The following CFAP20DC variants were observed in gnomAD, a reference collection of about 807,000 sequenced individuals.
CFAP20DC encodes CFAP20 domain containing.
A neutral mutation model predicts 101.7 loss-of-function variants in CFAP20DC; 84 were observed. The observed-to-expected ratio is 0.83, with a 90% CI of 0.69 to 0.99. The LOEUF (loss-of-function observed/expected upper bound fraction) is 0.99. Among genes scored for constraint, CFAP20DC ranks in the 50% least tolerant of loss-of-function variants. The pLI is 0.00. For synonymous variants in CFAP20DC, 359 were observed against 351.2 expected (o/e 1.02, Z -0.25); for missense variants, 1,007 against 970.3 (o/e 1.04, Z -0.50).
chr3:58,794,080 G>A (rs971465801), intron 15 of CFAP20DC: 2 of 210,426 alleles, frequency 9.5e-6, no homozygotes, highest in African/African-American at 4.6e-5. Context: ...TCTACAAATC[G>A]CCATTTGGTC....
chr3:58,925,396 T>A (rs185575184), intron 5 of CFAP20DC, among the ~76,000 whole-genome samples: 1 of 152,332 alleles, frequency 6.6e-6, no homozygotes, highest in Admixed American at 6.5e-5. Context: ...CAATAATTAT[T>A]TACATGTTTG....
chr3:59,033,166 G>A (rs929494898), intron 4 of CFAP20DC, among the ~76,000 whole-genome samples: 5 of 152,090 alleles, frequency 3.3e-5, no homozygotes, highest in Admixed American at 3.3e-4. Flanking sequence ...TCAACAAAAA[G>A]GATGTCCACA....
At chr3:58,949,955 C>A (rs1385381419) in intron 4 of CFAP20DC, among the ~76,000 whole-genome samples, 1 of 152,218 alleles carries the variant, frequency 6.6e-6, no homozygotes, top group East Asian at 1.9e-4. Flanking sequence ...AAAGGGCATT[C>A]AATTAGGAAA....
intron 7 of CFAP20DC, among the ~76,000 whole-genome samples, chr3:58,876,022 T>C (rs1296140056): frequency 6.6e-6 from 1 of 152,196 alleles, no homozygotes; most frequent in African/African-American, 2.4e-5. Flanking sequence ...CTATCTACTA[T>C]AGAATTTATT....
At chr3:58,976,817 G>A (rs2092299142) in intron 4 of CFAP20DC, among the ~76,000 whole-genome samples, 1 of 152,144 alleles carries the variant, frequency 6.6e-6, no homozygotes, top group Non-Finnish European at 1.5e-5. Context: ...GCTGTAGTGA[G>A]TAGGGTGTGT....
intron 4 of CFAP20DC, among the ~76,000 whole-genome samples, chr3:59,026,651 T>A (rs1357287066): frequency 3.9e-5 from 6 of 152,148 alleles, no homozygotes; most frequent in Non-Finnish European, 4.4e-5. Flanking sequence ...TATGAAAAGA[T>A]CAGGTCTGCA....
chr3:58,782,310 A>G (rs2071905445), intron 15 of CFAP20DC, among the ~76,000 whole-genome samples: 1 of 152,020 alleles, frequency 6.6e-6, no homozygotes, highest in Non-Finnish European at 1.5e-5. Context: ...TATATGACAC[A>G]CCCAGAGCTA....
intron 4 of CFAP20DC, among the ~76,000 whole-genome samples, chr3:58,959,366 T>A (rs2090934271): frequency 6.6e-6 from 1 of 152,258 alleles, no homozygotes; most frequent in Non-Finnish European, 1.5e-5. Flanking sequence ...AGTGTTGGGA[T>A]TACAGGCGTA....
At position 58,899,145 on chromosome 3, in the gene CFAP20DC, G is replaced by A. The variant is rs895678500; in HGVS notation, c.551-14436C>T. On this transcript the variant is annotated intron_variant, in intron 6 of 16. Coordinates refer to ENST00000482387, the MANE Select transcript of CFAP20DC (RefSeq NM_001394063.1). This position sits in a 1 kb window ranked among gnomAD's most constrained non-coding sequence, Gnocchi z 5.0. ...AGGAGGCTGGAGACCCCTGTTGGGA[G>A]GTCTCATCCAGTCAGGAGTAACAGG... Among the ~76,000 whole-genome samples, 5 of 152,188 alleles carry A rather than the reference G, an allele frequency of 3.3e-5. No individual in the cohort carries two copies. Among genetic ancestry groups the A allele is most frequent in the African/African-American group, 1.2e-4 (5 of 41,446 alleles).
chr3:58,735,570 C>A (rs2067733899), intron 3 of CFAP20DC, among the ~76,000 whole-genome samples: 1 of 152,148 alleles, frequency 6.6e-6, no homozygotes. Context: ...ATAGGTTAAG[C>A]CAGAGGGTCT....
chr3:59,016,130 G>A lies in CFAP20DC; in HGVS notation c.278+23427C>T, dbSNP rs182463539. Among the ~76,000 whole-genome samples, 6 of 152,186 alleles carry A rather than the reference G, an allele frequency of 3.9e-5. No individual in the cohort carries two copies. In the East Asian group the frequency reaches 9.7e-4, roughly 25 times the overall value. ...GCTAAGATATGGAATCAACTTAAGTGTCCATCAATGAATGAATGAATAAAG... is the reference window on the plus strand; with the variant it reads ...GCTAAGATATGGAATCAACTTAAGTATCCATCAATGAATGAATGAATAAAG... On this transcript the variant is annotated intron_variant, in intron 4 of 16. Transcript: ENST00000482387.
Position 58,870,321 on chromosome 3 carries a change from A to C in CFAP20DC, c.716-12T>G, listed in dbSNP as rs192814643. ...GTTAATGAACTGATCTGTTTTGTTA[A>C]AGGAAGGTAATAATAGTCCATTAAT... On this transcript the variant is annotated splice_polypyrimidine_tract_variant and intron_variant, in intron 7 of 16. Transcript: ENST00000482387. 6.2e-7 allele frequency: 1 copy of C among 1,612,518 alleles called. No individual in the cohort carries two copies. The highest frequency in any genetic ancestry group is 1.3e-5 in the African/African-American group (1 of 74,982).
downstream of CFAP20DC, among the ~76,000 whole-genome samples, chr3:58,739,300 T>C (rs902600548): frequency 6.6e-6 from 1 of 152,194 alleles, no homozygotes; most frequent in African/African-American, 2.4e-5. Flanking sequence ...ATTGATGACT[T>C]AAAAGTCACT....
chr3:58,941,066 C>T (rs1379315996), intron 4 of CFAP20DC, among the ~76,000 whole-genome samples: 2 of 152,088 alleles, frequency 1.3e-5, no homozygotes, highest in Non-Finnish European at 2.9e-5. Context: ...CGCAGTGGCT[C>T]ATGCCTGAAA....
chr3:58,927,639 T>C (rs1444210353), intron 5 of CFAP20DC, among the ~76,000 whole-genome samples: 1 of 152,214 alleles, frequency 6.6e-6, no homozygotes, highest in African/African-American at 2.4e-5. Context: ...CTAGCTGAAA[T>C]GCTTTTAGAA....
At chr3:58,997,367 T>C (rs1422914388) in intron 4 of CFAP20DC, among the ~76,000 whole-genome samples, 1 of 152,204 alleles carries the variant, frequency 6.6e-6, no homozygotes, top group African/African-American at 2.4e-5. Context: ...CTCTAGAACA[T>C]GCTCTTACCA....
At chr3:58,787,973 A>G (rs1342029114) in intron 15 of CFAP20DC, among the ~76,000 whole-genome samples, 1 of 142,558 alleles carries the variant, frequency 7.0e-6, no homozygotes, top group East Asian at 2.2e-4. Context: ...AACATCACAC[A>G]CTGGGGCCTG....
chr3:58,752,399 C>T (rs1460110623), intron 16 of CFAP20DC, among the ~76,000 whole-genome samples: 1 of 152,092 alleles, frequency 6.6e-6, no homozygotes, highest in Non-Finnish European at 1.5e-5. Context: ...ATGGCCAGCA[C>T]ACTTCTACAA....
chr3:59,004,758 C>T (rs904470500), intron 4 of CFAP20DC, among the ~76,000 whole-genome samples: 2 of 152,152 alleles, frequency 1.3e-5, no homozygotes, highest in Admixed American at 1.3e-4. Flanking sequence ...ACAAATTTTC[C>T]ACTGCATAAT....
Sources: gnomAD v4.1 joint callset for allele counts (sites outside exome capture counted in the v4.1 genomes callset) on GRCh38, gnomAD v4.1.1 for gene constraint, Gnocchi (gnomAD v3.1) non-coding constraint, MANE v1.5 for transcripts, NCBI Gene and HGNC (gene_info 2026-07-23, HGNC 2026-07-21) for gene names.